The following PCDH7 variants were observed in gnomAD, a reference collection of about 807,000 sequenced individuals.
PCDH7 encodes protocadherin-7.
PCDH7 carries 17 observed loss-of-function variants against 58.9 expected under a neutral mutation model. The observed-to-expected ratio is 0.29, with a 90% CI of 0.20 to 0.43. The LOEUF is 0.43. Ranked by LOEUF, PCDH7 falls within the 20% of genes least tolerant of loss-of-function variation. PCDH7 has a pLI of 1.00. For missense variants in PCDH7, 1,274 were observed against 1,441.0 expected, an observed-to-expected ratio of 0.88 and a Z score of 1.88; for synonymous variants, 664 against 616.4, an observed-to-expected ratio of 1.08 and a Z score of -1.14.
chr4:31,127,356 A>G (rs1366709554), intron 3 of PCDH7, among the ~76,000 whole-genome samples: 2 of 152,254 alleles, frequency 1.3e-5, no homozygotes, highest in East Asian at 3.8e-4. Flanking sequence ...TAACTAAAGA[A>G]GAAGCCTAAA....
intron 1 of PCDH7, among the ~76,000 whole-genome samples, chr4:30,783,487 C>G (rs563141053): frequency 4.7e-4 from 71 of 152,044 alleles, no homozygotes; most frequent in African/African-American, 1.7e-3. Context: ...TCAACAGATA[C>G]TTGTACTTAA....
At chr4:30,794,162 T>C (rs757631595) in intron 1 of PCDH7, among the ~76,000 whole-genome samples, 2 of 152,202 alleles carry the variant, frequency 1.3e-5, no homozygotes, top group Non-Finnish European at 2.9e-5. Flanking sequence ...GGTTCTGCCA[T>C]TTTGCAACAG....
chr4:31,103,522 G>C (rs1715164477), intron 3 of PCDH7, among the ~76,000 whole-genome samples: 1 of 151,810 alleles, frequency 6.6e-6, no homozygotes, highest in Non-Finnish European at 1.5e-5. Flanking sequence ...TTTTATTAGA[G>C]AGACAGGGTT....
At position 30,721,275 on chromosome 4, in the gene PCDH7, C is replaced by A; in HGVS notation, c.-148C>A. 1 of 743,734 alleles carries A rather than the reference C, an allele frequency of 1.3e-6. No homozygotes were observed. Among genetic ancestry groups the A allele is most frequent in the East Asian group, 3.0e-5 (1 of 33,564 alleles). 46.1% of individuals were successfully genotyped at this position (743,734 alleles called of 1,614,324 possible). ...CATTCCCGGCCAACTCTCCACGCCG[C>A]TTTTGCCCCCTCCCTCCCCTCCCTC... On this transcript the variant is annotated 5_prime_UTR_variant, in exon 1 of 2. Coordinates refer to ENST00000361762, the Ensembl canonical transcript of PCDH7. This position sits in a 1 kb window ranked among gnomAD's most constrained non-coding sequence, Gnocchi z 6.7.
At chr4:31,095,377 T>G (rs944489797) in intron 3 of PCDH7, among the ~76,000 whole-genome samples, 3 of 152,248 alleles carry the variant, frequency 2.0e-5, no homozygotes, top group African/African-American at 7.2e-5. Flanking sequence ...GCAAGCGTTT[T>G]TATAGCTTTT....
At chr4:31,059,560 A>G (rs1757521253) in intron 3 of PCDH7, among the ~76,000 whole-genome samples, 1 of 151,846 alleles carries the variant, frequency 6.6e-6, no homozygotes, top group Non-Finnish European at 1.5e-5. Flanking sequence ...TTGCCCTCAA[A>G]ATGATAACAA....
At chr4:30,937,912 G>A (rs112499712) in intron 2 of PCDH7, among the ~76,000 whole-genome samples, 47 of 151,536 alleles carry the variant, frequency 3.1e-4, no homozygotes, top group South Asian at 2.1e-3. Flanking sequence ...AGAAGATGGC[G>A]TGTGTAGTTT....
At chr4:30,986,436 A>G (rs1387622626) in intron 3 of PCDH7, among the ~76,000 whole-genome samples, 1 of 152,170 alleles carries the variant, frequency 6.6e-6, no homozygotes, top group Non-Finnish European at 1.5e-5. Context: ...AAACAAGGAA[A>G]AAACCCACCT....
intron 1 of PCDH7, among the ~76,000 whole-genome samples, chr4:30,825,428 C>G (rs928814792): frequency 1.3e-5 from 2 of 151,984 alleles, no homozygotes; most frequent in Non-Finnish European, 2.9e-5. Context: ...GTGTATTGCC[C>G]ATGAACCTTT....
At chr4:30,769,786 C>G (rs1267411105) in intron 1 of PCDH7, among the ~76,000 whole-genome samples, 2 of 152,096 alleles carry the variant, frequency 1.3e-5, no homozygotes, top group African/African-American at 2.4e-5. Context: ...TTACACTGTT[C>G]ATCAGTTTTT....
intron 3 of PCDH7, among the ~76,000 whole-genome samples, chr4:30,968,332 TAC>T (rs1560541366): frequency 9.3e-6 from 1 of 107,506 alleles, no homozygotes; most frequent in Admixed American, 9.9e-5. Context: ...TATATATATA[TAC>T]ACACACTATA....
intron 3 of PCDH7, among the ~76,000 whole-genome samples, chr4:31,061,283 G>A (rs35697028): frequency 1.3e-5 from 2 of 151,658 alleles, no homozygotes; most frequent in Non-Finnish European, 3.0e-5. Context: ...AAGCTATCTA[G>A]TGATAATTGC....
chr4:31,019,181 G>A (rs1339919125), intron 3 of PCDH7, among the ~76,000 whole-genome samples: 2 of 151,800 alleles, frequency 1.3e-5, no homozygotes, highest in Admixed American at 1.3e-4. Flanking sequence ...GAAAAAAAAA[G>A]ATAAATGTCT....
At chr4:30,827,856 C>A (rs1157683398) in intron 1 of PCDH7, among the ~76,000 whole-genome samples, 1 of 152,060 alleles carries the variant, frequency 6.6e-6, no homozygotes, top group Non-Finnish European at 1.5e-5. Context: ...GTTGAAGGAG[C>A]AATCCATGCA....
At chr4:30,973,799 A>G (rs983361150) in intron 3 of PCDH7, among the ~76,000 whole-genome samples, 2 of 151,806 alleles carry the variant, frequency 1.3e-5, no homozygotes, top group Non-Finnish European at 2.9e-5. Flanking sequence ...ATCTATCTCC[A>G]TTTCGCCTCG....
At chr4:30,829,211 C>A (rs191861555) in intron 1 of PCDH7, among the ~76,000 whole-genome samples, 226 of 151,916 alleles carry the variant, frequency 1.5e-3, no homozygotes, top group African/African-American at 5.1e-3. Flanking sequence ...AGGACTCTAC[C>A]CAGGGAACCA....
chr4:31,093,580 G>A (rs1036484209), intron 3 of PCDH7, among the ~76,000 whole-genome samples: 4 of 133,422 alleles, frequency 3.0e-5, no homozygotes, highest in African/African-American at 1.3e-4. Flanking sequence ...AGTGCAAGGT[G>A]CAGTGAATTT....
At chr4:30,906,166 TTC>T (rs1200714061) in intron 1 of PCDH7, among the ~76,000 whole-genome samples, 4 of 152,156 alleles carry the variant, frequency 2.6e-5, no homozygotes, top group Non-Finnish European at 5.9e-5. Context: ...GCTAAGGAAT[TTC>T]TCAATAAGTG....
Position 30,867,251 on chromosome 4 carries a change from C to T in PCDH7, c.71-52902C>T, listed in dbSNP as rs1409699631. ...TTTGTTTATCCTGTGTAGAATTAGT[C>T]TCTGTATGCTAAGGGAGAAAAAGGT... On this transcript the variant is annotated intron_variant, in intron 1 of 3. Coordinates refer to the PCDH7 transcript ENST00000509759. Among the ~76,000 whole-genome samples, 5 of 152,070 alleles carry T rather than the reference C, an allele frequency of 3.3e-5. No homozygotes were observed. The East Asian group carries it at 5.8e-4, about 18-fold the overall frequency.
Sources: gnomAD v4.1 joint callset for allele counts (sites outside exome capture counted in the v4.1 genomes callset) on GRCh38, gnomAD v4.1.1 for gene constraint, Gnocchi (gnomAD v3.1) non-coding constraint, MANE v1.5 for transcripts, NCBI Gene and HGNC (gene_info 2026-07-23, HGNC 2026-07-21) for gene names.